Variants in BTAF1 observed in about 807,000 individuals in gnomAD.
The protein encoded by BTAF1 is TATA-binding protein-associated factor 172.
In BTAF1, 38 loss-of-function variants were observed where a neutral mutation model predicts 227.1. The observed-to-expected ratio is 0.17, with a 90% CI of 0.13 to 0.22. The LOEUF (loss-of-function observed/expected upper bound fraction) is 0.22. BTAF1 is among the 10% of genes least tolerant of loss of function. BTAF1 has a pLI of 1.00. For missense variants in BTAF1, 1,598 were observed against 2,204.0 expected, an observed-to-expected ratio of 0.73 and a Z score of 5.51; for synonymous variants, 742 against 751.9, an observed-to-expected ratio of 0.99 and a Z score of 0.21.
intron 1 of BTAF1, 152 bp downstream of exon 1, chr10:91,924,242 C>T (rs1284101237): frequency 2.5e-5 from 28 of 1,102,860 alleles, no homozygotes; most frequent in South Asian, 7.1e-5. Flanking sequence ...CCGTGGTCGG[C>T]GGGGGTTTGG....
At chr10:91,962,171 C>A (rs958453734) in intron 11 of BTAF1, among the ~76,000 whole-genome samples, 2 of 152,178 alleles carry the variant, frequency 1.3e-5, no homozygotes, top group Admixed American at 1.3e-4. Context: ...GATTATAATA[C>A]TGTACTTTGA....
At chr10:92,001,235 G>A (rs1424279641) in intron 25 of BTAF1, among the ~76,000 whole-genome samples, 1 of 152,190 alleles carries the variant, frequency 6.6e-6, no homozygotes, top group Non-Finnish European at 1.5e-5. Flanking sequence ...TAGCAAAACA[G>A]AGTACCTGAA....
At chr10:91,993,038 A>G (rs1452093345) in intron 21 of BTAF1, among the ~76,000 whole-genome samples, 2 of 152,182 alleles carry the variant, frequency 1.3e-5, no homozygotes, top group Non-Finnish European at 2.9e-5. Context: ...ACCCCTTTTA[A>G]GTTTCTTTTT....
chr10:91,951,338 G>C (rs1845751186), intron 4 of BTAF1, 65 bp from the exon 5 acceptor site: 15 of 1,497,768 alleles, frequency 1.0e-5, no homozygotes, highest in Non-Finnish European at 1.2e-5. Flanking sequence ...GATAGAGTTT[G>C]ATGTGCACGT....
chr10:91,931,377 T>C (rs1383587080), intron 1 of BTAF1, among the ~76,000 whole-genome samples: 1 of 152,264 alleles, frequency 6.6e-6, no homozygotes, highest in Non-Finnish European at 1.5e-5. Flanking sequence ...ACTTATCTTC[T>C]ATAGTCTTTG....
intron 32 of BTAF1, among the ~76,000 whole-genome samples, chr10:92,016,083 A>G (rs1469292315): frequency 6.6e-6 from 1 of 152,048 alleles, no homozygotes; most frequent in Non-Finnish European, 1.5e-5. Context: ...GTCTTGGACT[A>G]TTTGACTTGT....
intron 25 of BTAF1, among the ~76,000 whole-genome samples, chr10:91,999,162 TAAG>T (rs1849335806): frequency 6.6e-6 from 1 of 152,142 alleles, no homozygotes; most frequent in Admixed American, 6.5e-5. Context: ...AGTAAATACT[TAAG>T]AATGAAATGC....
intron 1 of BTAF1, 136 bp from the exon 2 acceptor site, chr10:91,935,521 C>A: frequency 1.1e-6 from 1 of 888,110 alleles, no homozygotes; most frequent in Non-Finnish European, 1.6e-6. Context: ...CTTATTTCAC[C>A]ATAATGTCTT....
chr10:91,935,618 A>G (rs981739776), intron 1 of BTAF1, 39 bp from the exon 2 acceptor site: 23 of 1,603,976 alleles, frequency 1.4e-5, no homozygotes, highest in Non-Finnish European at 1.4e-5. Context: ...ATACGAGGAA[A>G]AGCATTTGAG....
intron 14 of BTAF1, among the ~76,000 whole-genome samples, chr10:91,969,664 T>G (rs1589837035): frequency 1.3e-5 from 2 of 152,148 alleles, no homozygotes; most frequent in Admixed American, 1.3e-4. Flanking sequence ...ATCCCAAGAT[T>G]GTTATAAATC....
In BTAF1 at chr10:92,027,264, G is replaced by T. The variant is rs1289655346; in HGVS notation, c.5370G>T (p.Gly1790=). 3 of 1,613,560 alleles carry T rather than the reference G, an allele frequency of 1.9e-6. No homozygotes were observed. In the Admixed American group the frequency reaches 5.0e-5, roughly 27 times the overall value. ...AGAATTCTAGTTTGCAGAGCATGGG[G>T]ACTGATCAGCTTCTTGATCTGTTTA... ...SQENSSLQSM[G]TDQLLDLFTL... is the part of the protein sequence containing the mutation. Residue 1790 remains glycine (G), a synonymous_variant, in exon 37 of 38, where the codon GGG becomes GGT. Coordinates refer to ENST00000265990, the MANE Select transcript of BTAF1 (RefSeq NM_003972.3).
In BTAF1 at chr10:91,964,600, C is replaced by CT. The variant is rs1183665859; in HGVS notation, c.1529+408dup. Among the ~76,000 whole-genome samples, 6 of 151,560 alleles carry CT rather than the reference C, an allele frequency of 4.0e-5. No homozygotes were observed. The South Asian group carries it at 6.3e-4, about 16-fold the overall frequency. On this transcript the variant is annotated intron_variant, in intron 13 of 37. Coordinates refer to ENST00000265990, the MANE Select transcript of BTAF1 (RefSeq NM_003972.3). ...TTTCTAAAACTTGCCCCTCTGTGAA[C>CT]TTTTTTTTTGTAATGTTCATGTCTT...
At chr10:91,997,302 C>T (rs751267560) in intron 24 of BTAF1, 9 of 553,306 alleles carry the variant, frequency 1.6e-5, no homozygotes, top group South Asian at 6.1e-5. Flanking sequence ...GAATTCCAGA[C>T]GCTTGTAGCA....
chr10:91,982,040 T>TA (rs1387940014), intron 16 of BTAF1, 43 bp from the exon 17 acceptor site: 1 of 1,582,364 alleles, frequency 6.3e-7, no homozygotes, highest in East Asian at 2.3e-5. Context: ...TATTCAGTTT[T>TA]AATGGTTAAT....
chr10:92,001,445 C>T (rs771115038), intron 25 of BTAF1, among the ~76,000 whole-genome samples: 8 of 152,098 alleles, frequency 5.3e-5, no homozygotes, highest in South Asian at 2.1e-4. Context: ...TTTGTATTTC[C>T]ACTAAGCAGA....
chr10:91,937,376 G>T (rs1384870612), intron 2 of BTAF1, among the ~76,000 whole-genome samples: 2 of 152,062 alleles, frequency 1.3e-5, no homozygotes, highest in African/African-American at 2.4e-5. Context: ...TATTAACATG[G>T]TGTACAGCAG....
At chr10:92,006,166 A>G (rs1358288229) in intron 25 of BTAF1, among the ~76,000 whole-genome samples, 2 of 152,150 alleles carry the variant, frequency 1.3e-5, no homozygotes, top group Non-Finnish European at 1.5e-5. Context: ...CTGGATTCTC[A>G]TGTTTGCTTG....
At chr10:92,010,584 A>G (rs1407727359) in intron 28 of BTAF1, among the ~76,000 whole-genome samples, 1 of 152,186 alleles carries the variant, frequency 6.6e-6, no homozygotes, top group African/African-American at 2.4e-5. Flanking sequence ...TAGCTTGGCA[A>G]CTGTAGTAAA....
chr10:91,964,265 C>A, intron 13 of BTAF1, 64 bp downstream of exon 13: 1 of 1,518,772 alleles, frequency 6.6e-7, no homozygotes, highest in Non-Finnish European at 9.0e-7. Flanking sequence ...GATAATTCAG[C>A]CTAAACATAA....
Sources: gnomAD v4.1 joint callset for allele counts (sites outside exome capture counted in the v4.1 genomes callset) on GRCh38, gnomAD v4.1.1 for gene constraint, MANE v1.5 for transcripts, NCBI Gene and HGNC (gene_info 2026-07-23, HGNC 2026-07-21) for gene names.